The following KLHL1 variants were observed in gnomAD, a reference collection of about 807,000 sequenced individuals.
The protein encoded by KLHL1 is kelch like family member 1.
Under a neutral mutation model 77.7 loss-of-function variants are expected in KLHL1, and 47 were observed. The ratio of observed to expected loss-of-function variants is 0.60; its 90% confidence interval spans 0.48 to 0.77. The LOEUF is 0.77. Among genes scored for constraint, KLHL1 ranks in the 30% least tolerant of loss-of-function variants. The pLI is 0.00. For synonymous variants in KLHL1, 360 were observed against 325.2 expected, an observed-to-expected ratio of 1.11 and a Z score of -1.15; for missense variants, 925 against 910.8, an observed-to-expected ratio of 1.02 and a Z score of -0.20.
chr13:69,862,624 G>A (rs1312589948), intron 5 of KLHL1, among the ~76,000 whole-genome samples: 1 of 152,052 alleles, frequency 6.6e-6, no homozygotes, highest in African/African-American at 2.4e-5. Context: ...AAATTCATAT[G>A]TTGAAGCGTT....
chr13:69,954,838 A>G (rs1487760419), intron 3 of KLHL1, among the ~76,000 whole-genome samples: 1 of 151,098 alleles, frequency 6.6e-6, no homozygotes, highest in Non-Finnish European at 1.5e-5. Context: ...ATATATATGC[A>G]TAAATGAAAC....
chr13:69,978,320 T>G (rs548673205), intron 1 of KLHL1, among the ~76,000 whole-genome samples: 1 of 151,592 alleles, frequency 6.6e-6, no homozygotes, highest in South Asian at 2.1e-4. Context: ...CCCTGATGCT[T>G]CTTCTGCTTG....
chr13:69,951,898 T>C (rs1883722667), intron 3 of KLHL1, among the ~76,000 whole-genome samples: 1 of 151,446 alleles, frequency 6.6e-6, no homozygotes, highest in African/African-American at 2.4e-5. Flanking sequence ...TACAGAGTGC[T>C]GCCGAGGGAG....
At chr13:69,982,793 G>T (rs538095451) in intron 1 of KLHL1, among the ~76,000 whole-genome samples, 2 of 151,894 alleles carry the variant, frequency 1.3e-5, no homozygotes, top group South Asian at 4.2e-4. Context: ...ATACAAAGAG[G>T]GTCATTATAT....
intron 3 of KLHL1, among the ~76,000 whole-genome samples, chr13:69,947,948 C>T (rs1180278898): frequency 1.3e-5 from 2 of 152,002 alleles, no homozygotes; most frequent in Admixed American, 6.6e-5. Context: ...ATAACGTTCT[C>T]AAATAAGCTT....
At chr13:70,083,062 T>G (rs1446967304) in intron 1 of KLHL1, among the ~76,000 whole-genome samples, 2 of 151,936 alleles carry the variant, frequency 1.3e-5, no homozygotes, top group African/African-American at 4.8e-5. Context: ...ATGAATTTGG[T>G]CTCTAACAAT....
chr13:70,102,098 T>C (rs1421731088), intron 1 of KLHL1, among the ~76,000 whole-genome samples: 1 of 152,148 alleles, frequency 6.6e-6, no homozygotes, highest in Non-Finnish European at 1.5e-5. Context: ...GAGAAAGTAG[T>C]CCTTTATCAT....
chr13:69,855,825 A>T (rs1344646265), intron 5 of KLHL1, among the ~76,000 whole-genome samples: 68 of 145,962 alleles, frequency 4.7e-4, no homozygotes, highest in African/African-American at 1.7e-3. Context: ...TATATATAGA[A>T]AATATTATAT....
chr13:69,953,735 A>T (rs1883784251), intron 3 of KLHL1, among the ~76,000 whole-genome samples: 1 of 151,264 alleles, frequency 6.6e-6, no homozygotes, highest in Admixed American at 6.6e-5. Flanking sequence ...CTGAATTAAA[A>T]AACATATAAT....
rs114947237 is a variant in KLHL1, at chr13:69,901,490, A to G, written c.1015-18995T>C. On this transcript the variant is annotated intron_variant, in intron 4 of 10. Transcript: ENST00000377844. ...GTGTCTATGATATGCTTGGGTGACA[A>G]TGATGACTCTGGTCAGGGATAGACA... Among the ~76,000 whole-genome samples, 813 of 152,334 alleles carry G rather than the reference A, an allele frequency of 5.3e-3. 9 individuals carry two copies. Among genetic ancestry groups the G allele is most frequent in the African/African-American group, 0.019 (784 of 41,578 alleles).
chr13:70,024,648 C>T (rs1008679785), intron 1 of KLHL1, among the ~76,000 whole-genome samples: 11 of 148,904 alleles, frequency 7.4e-5, no homozygotes, highest in Admixed American at 3.3e-4. Flanking sequence ...CTCTCTCTCT[C>T]TCTCTCTCTC....
chr13:69,917,136 A>G (rs924007218), intron 4 of KLHL1, among the ~76,000 whole-genome samples: 10 of 152,064 alleles, frequency 6.6e-5, no homozygotes, highest in African/African-American at 2.2e-4. Context: ...AAGAAAAAAT[A>G]AAGTAATAAA....
At chr13:70,096,938 G>T (rs922823286) in intron 1 of KLHL1, among the ~76,000 whole-genome samples, 3 of 151,924 alleles carry the variant, frequency 2.0e-5, no homozygotes, top group African/African-American at 7.2e-5. Flanking sequence ...AGATTCCACA[G>T]CTCATAGCTG....
chr13:69,969,772 G>A (rs1384950542), intron 2 of KLHL1, among the ~76,000 whole-genome samples: 1 of 151,704 alleles, frequency 6.6e-6, no homozygotes, highest in East Asian at 1.9e-4. Context: ...TTAGAAGAGG[G>A]ATTTAATGCA....
intron 1 of KLHL1, among the ~76,000 whole-genome samples, chr13:70,050,698 A>G (rs1312092035): frequency 6.6e-6 from 1 of 152,052 alleles, no homozygotes; most frequent in African/African-American, 2.4e-5. Flanking sequence ...TTCAAAAAAT[A>G]TTTTAATCAT....
At chr13:69,833,206 A>G (rs904899961) in intron 6 of KLHL1, among the ~76,000 whole-genome samples, 53 of 152,222 alleles carry the variant, frequency 3.5e-4, no homozygotes, top group Non-Finnish European at 8.8e-5. Flanking sequence ...CAAACTATGC[A>G]TCTGATAAAG....
At chr13:69,704,800 T>C (rs754481726) in intron 10 of KLHL1, among the ~76,000 whole-genome samples, 1 of 151,702 alleles carries the variant, frequency 6.6e-6, no homozygotes, top group Non-Finnish European at 1.5e-5. Context: ...ATGAGTAATA[T>C]GATAAGCTAA....
intron 1 of KLHL1, among the ~76,000 whole-genome samples, chr13:70,032,899 T>C (rs1886139661): frequency 6.6e-6 from 1 of 152,222 alleles, no homozygotes; most frequent in Non-Finnish European, 1.5e-5. Flanking sequence ...TTTATGGTCA[T>C]TAAATATCAT....
rs548114360 is a variant in KLHL1, at chr13:69,970,504, G to A, written c.680+5116C>T. ...CGATGTCCCAGGGGCAGTGATGTTA[G>A]TACCTAAAGCACCCAGATGCTCCTT... On this transcript the variant is annotated intron_variant, in intron 2 of 10. Transcript: ENST00000377844. Among the ~76,000 whole-genome samples the A allele has an allele frequency of 2.0e-5, 3 of 152,182 alleles. No homozygotes were observed. In the South Asian group the frequency reaches 6.2e-4, roughly 32 times the overall value.
Sources: gnomAD v4.1 joint callset for allele counts (sites outside exome capture counted in the v4.1 genomes callset) on GRCh38, gnomAD v4.1.1 for gene constraint, MANE v1.5 for transcripts, NCBI Gene and HGNC (gene_info 2026-07-23, HGNC 2026-07-21) for gene names.